Variants in LRRC27 observed in about 807,000 individuals in gnomAD.
LRRC27 encodes leucine rich repeat containing 27, also known as leucine-rich repeat-containing protein 27.
A neutral mutation model predicts 55.0 loss-of-function variants in LRRC27; 57 were observed. That is an observed-to-expected ratio of 1.04 (90% CI 0.84 to 1.29). The LOEUF is 1.29. Ranked by LOEUF, LRRC27 falls within the 50% of genes most tolerant of loss-of-function variation. The probability of loss-of-function intolerance (pLI) is 0.00; values close to 1 mark genes in which losing one functional copy is unlikely to be tolerated. For synonymous variants in LRRC27, 278 were observed against 251.9 expected (o/e 1.10, Z -0.98); for missense variants, 721 against 651.5 (o/e 1.11, Z -1.16).
At position 132,333,716 on chromosome 10, in the gene LRRC27, T is replaced by C. The variant is rs751979532; in HGVS notation, c.192T>C (p.Phe64=). ...ESGLCRLEEV[F]RIPSLQQLHL... ...GTCTGTGCCGTTTGGAGGAGGTCTT[T>C]AGAATCCCCAGCCTTCAAGTAAGTG... Residue 64 remains phenylalanine, a synonymous_variant, in exon 2 of 11, where the codon TTT becomes TTC. Coordinates refer to ENST00000368614, the MANE Select transcript of LRRC27 (RefSeq NM_030626.3). The C allele has an allele frequency of 6.2e-7, 1 of 1,613,330 alleles. No individual in the cohort carries two copies. The highest frequency in any genetic ancestry group is 2.2e-5 in the East Asian group (1 of 44,892).
In LRRC27 at chr10:132,375,399, ACGTCCCTCTC is replaced by A; in HGVS notation, c.*159_*168del. 1.6e-6 allele frequency: 1 copy of A among 617,488 alleles called. No homozygotes were observed. The highest frequency in any genetic ancestry group is 3.1e-5 in the Admixed American group (1 of 31,826). The allele number at this position is 617,488 out of a possible 1,614,324, so 38.3% of individuals were successfully genotyped here. ...CCTGTTGTTTTCCTTAGACAGGTCC[ACGTCCCTCTC>A]CTGAGGCTGTGGAAGATTTCAGCCG... On this transcript the variant is annotated 3_prime_UTR_variant, in exon 11 of 11. Coordinates refer to ENST00000368614, the MANE Select transcript of LRRC27 (RefSeq NM_030626.3).
chr10:132,366,807 C>T (rs2069101619), intron 10 of LRRC27: 1 of 1,235,958 alleles, frequency 8.1e-7, no homozygotes, highest in South Asian at 1.3e-5. Context: ...CATCTGCAGG[C>T]TCCATTCCCA....
At chr10:132,350,862 C>G (rs2067971919) in intron 6 of LRRC27, 1 of 152,260 alleles carries the variant, frequency 6.6e-6, no homozygotes, top group Admixed American at 6.5e-5. Flanking sequence ...ACCTGGCTGG[C>G]TCTCAGTCCT....
chr10:132,333,887 C>A (rs1040387175), intron 2 of LRRC27, among the ~76,000 whole-genome samples, 153 bp downstream of exon 2: 3 of 152,136 alleles, frequency 2.0e-5, no homozygotes, highest in South Asian at 2.1e-4. Context: ...TAGTTTCATA[C>A]GCCAATCACA....
At chr10:132,361,337 G>C (rs756850788) in intron 8 of LRRC27, 120 bp from the exon 9 acceptor site, 2 of 801,462 alleles carry the variant, frequency 2.5e-6, no homozygotes, top group South Asian at 2.7e-5. Context: ...GTCTACCCGG[G>C]GCGGCCTCGG....
intron 10 of LRRC27, chr10:132,367,107 A>G (rs976225460): frequency 7.8e-6 from 5 of 639,534 alleles, no homozygotes; most frequent in Admixed American, 6.2e-5. Flanking sequence ...GGGACACAAA[A>G]GTCGATTTGG....
At chr10:132,373,966 G>A (rs576375756) in intron 10 of LRRC27, among the ~76,000 whole-genome samples, 2 of 152,320 alleles carry the variant, frequency 1.3e-5, no homozygotes, top group East Asian at 3.9e-4. Context: ...ACTACTTACT[G>A]GGTCAGTAAC....
chr10:132,376,967 A>G lies in LRRC27; in HGVS notation c.*1725A>G, dbSNP rs990649650. 1.3e-5 allele frequency: 2 copies of G among 152,230 alleles called. No individual in the cohort carries two copies. Among genetic ancestry groups the G allele is most frequent in the African/African-American group, 2.4e-5 (1 of 41,440 alleles). The allele number at this position is 152,230 out of a possible 1,614,324, so 9.4% of individuals were successfully genotyped here. On this transcript the variant is annotated 3_prime_UTR_variant, in exon 11 of 11. Coordinates refer to ENST00000368614, the MANE Select transcript of LRRC27 (RefSeq NM_030626.3). The stretch of plus-strand genomic sequence containing the variant: ...GGGCTATTTTGTCAGATGCCTACAA[A>G]TTTAGGATTGTTTTATCTTCCTGTC...
At chr10:132,356,973 C>T (rs1322791157) in intron 8 of LRRC27, among the ~76,000 whole-genome samples, 1 of 152,284 alleles carries the variant, frequency 6.6e-6, no homozygotes, top group African/African-American at 2.4e-5. Context: ...CCCCCAAGGG[C>T]TTCACCCTAC....
intron 10 of LRRC27, among the ~76,000 whole-genome samples, chr10:132,373,883 AT>A (rs1425353238): frequency 6.6e-6 from 1 of 152,198 alleles, no homozygotes; most frequent in African/African-American, 2.4e-5. Context: ...GAAAACAAAC[AT>A]TTTAAAAGGA....
chr10:132,363,783 C>CGGCT (rs2068763955), intron 9 of LRRC27, among the ~76,000 whole-genome samples: 1 of 152,064 alleles, frequency 6.6e-6, no homozygotes, highest in Non-Finnish European at 1.5e-5. Context: ...CCCTGGATCC[C>CGGCT]GGCTGCGATG....
chr10:132,372,126 C>T lies in LRRC27; in HGVS notation c.1417-2940C>T, dbSNP rs567694138. Among the ~76,000 whole-genome samples the T allele has an allele frequency of 3.3e-5, 5 of 151,260 alleles. No homozygotes were observed. The South Asian group carries it at 6.3e-4, about 19-fold the overall frequency. ...AGGATGGGAAGTGGGGGTCGGGGTG[C>T]GGTGGCTCACGCCTGCAATCCCAGT... On this transcript the variant is annotated intron_variant, in intron 10 of 10. Coordinates refer to ENST00000368614, the MANE Select transcript of LRRC27 (RefSeq NM_030626.3). This position sits in a 1 kb window ranked among gnomAD's most constrained non-coding sequence, Gnocchi z 4.0.
chr10:132,330,471 T>C, upstream of LRRC27: 1 of 717,218 alleles, frequency 1.4e-6, no homozygotes, highest in South Asian at 1.5e-5. Context: ...AGGTACTGGT[T>C]GTGCTTTCAG....
chr10:132,353,197 C>G lies in LRRC27; in HGVS notation c.1073+1444C>G, dbSNP rs74161793. On this transcript the variant is annotated intron_variant, in intron 7 of 10. Transcript: ENST00000368614. ...GAGGAAGGGAGAGCGAGGGCCTCGT[C>G]TTTACTTTCCCGGCTTCTTTGTGAG... 4,441 of 1,385,226 alleles carry G rather than the reference C, an allele frequency of 3.2e-3. 105 individuals carry two copies. The African/African-American group carries it at 0.057, about 18-fold the overall frequency. The allele number at this position is 1,385,226 out of a possible 1,614,324, so 85.8% of individuals were successfully genotyped here. A position where few individuals can be genotyped will look rare whatever the true frequency, so the allele number is the denominator to read the frequency against.
Position 132,375,447 on chromosome 10 carries a change from G to A in LRRC27, c.*205G>A. The A allele has an allele frequency of 1.9e-6, 1 of 513,106 alleles. No homozygotes were observed. The highest frequency in any genetic ancestry group is 2.8e-5 in the South Asian group (1 of 35,662). 31.8% of individuals were successfully genotyped at this position (513,106 alleles called of 1,614,324 possible). The stretch of plus-strand genomic sequence containing the variant: ...AAGATTTCAGCCGTATTAAAAGAAA[G>A]GACACTGTGAGCACGTGGTCTCGCC... On this transcript the variant is annotated 3_prime_UTR_variant, in exon 11 of 11. Transcript: ENST00000368614.
upstream of LRRC27, chr10:132,330,175 G>C (rs986191646): frequency 2.3e-6 from 1 of 442,324 alleles, no homozygotes; most frequent in Non-Finnish European, 4.2e-6. Flanking sequence ...GCACAGTAAA[G>C]GGCAAAACAT....
At chr10:132,341,929 C>G (rs948445179) in intron 3 of LRRC27, among the ~76,000 whole-genome samples, 3 of 152,172 alleles carry the variant, frequency 2.0e-5, no homozygotes, top group Admixed American at 2.0e-4. Context: ...GGGTGGTACC[C>G]CTGGCATCTG....
chr10:132,343,825 T>C (rs1466119405), intron 4 of LRRC27, among the ~76,000 whole-genome samples: 1 of 152,246 alleles, frequency 6.6e-6, no homozygotes, highest in Non-Finnish European at 1.5e-5. Flanking sequence ...GCCCCTGCAG[T>C]GCTTCCCCGT....
In LRRC27 at chr10:132,378,037, C is replaced by G. The variant is rs1240521124; in HGVS notation, c.*2795C>G. ...TCTACTAAAAAATACAAAAAATTAG[C>G]CGGGCGTGGTGGCTGTAGTCGCAGC... On this transcript the variant is annotated 3_prime_UTR_variant, in exon 11 of 11. Coordinates refer to ENST00000368614, the MANE Select transcript of LRRC27 (RefSeq NM_030626.3). The G allele has an allele frequency of 9.5e-6, 1 of 105,296 alleles. No individual in the cohort carries two copies. Among genetic ancestry groups the G allele is most frequent in the Non-Finnish European group, 1.7e-5 (1 of 57,614 alleles). 6.5% of individuals were successfully genotyped at this position (105,296 alleles called of 1,614,324 possible).
Sources: gnomAD v4.1 joint callset for allele counts (sites outside exome capture counted in the v4.1 genomes callset) on GRCh38, gnomAD v4.1.1 for gene constraint, Gnocchi (gnomAD v3.1) non-coding constraint, MANE v1.5 for transcripts, NCBI Gene and HGNC (gene_info 2026-07-23, HGNC 2026-07-21) for gene names.